The following RERE variants were observed in gnomAD, a reference collection of about 807,000 sequenced individuals.
RERE encodes arginine-glutamic acid dipeptide repeats protein.
RERE carries 40 observed loss-of-function variants against 146.1 expected under a neutral mutation model. The observed-to-expected ratio is 0.27, with a 90% CI of 0.21 to 0.36. The LOEUF is 0.36. Among genes scored for constraint, RERE ranks in the 10% least tolerant of loss-of-function variants. The pLI, the probability that RERE is intolerant of heterozygous loss-of-function variation, is 1.00. For synonymous variants in RERE, 1,003 were observed against 866.0 expected (o/e 1.16, Z -2.78); for missense variants, 1,933 against 2,138.7 (o/e 0.90, Z 1.90).
chr1:8,352,521 AT>A lies in RERE; in HGVS notation c.*2565del, dbSNP rs1641135856. The A allele has an allele frequency of 6.6e-6, 1 of 152,480 alleles. No homozygotes were observed. The highest frequency in any genetic ancestry group is 2.4e-5 in the African/African-American group (1 of 41,460). The allele number at this position is 152,480 out of a possible 1,614,324, so 9.4% of individuals were successfully genotyped here. A position where few individuals can be genotyped will look rare whatever the true frequency, so the allele number is the denominator to read the frequency against. On this transcript the variant is annotated 3_prime_UTR_variant, in exon 23 of 23. Transcript: ENST00000400908. ...GGGTGTCTACTGTTTACACTGTGTT[AT>A]CTCATGGCAAACTACTCATATATAC...
chr1:8,756,602 T>C (rs1311707235), intron 1 of RERE, among the ~76,000 whole-genome samples: 1 of 152,250 alleles, frequency 6.6e-6, no homozygotes, highest in Admixed American at 6.5e-5. Context: ...ACTATAATTC[T>C]GTCCTTTTTA....
At chr1:8,616,465 A>G (rs1646853876) in intron 3 of RERE, among the ~76,000 whole-genome samples, 1 of 152,176 alleles carries the variant, frequency 6.6e-6, no homozygotes, top group South Asian at 2.1e-4. Flanking sequence ...TTCCAATTGA[A>G]AAGAATTAAG....
chr1:8,377,541 A>G (rs925981551), intron 12 of RERE, among the ~76,000 whole-genome samples: 24 of 152,252 alleles, frequency 1.6e-4, no homozygotes, highest in African/African-American at 5.5e-4. Context: ...CGTTGGTTCT[A>G]TCGCCACCTC....
At chr1:8,510,370 T>C (rs562627787) in intron 7 of RERE, among the ~76,000 whole-genome samples, 2 of 151,468 alleles carry the variant, frequency 1.3e-5, no homozygotes, top group African/African-American at 4.9e-5. Context: ...CATGCAGAGG[T>C]GGCAGGCTGA....
At chr1:8,786,908 CCTT>C (rs1338395970) in intron 1 of RERE, 13 of 828,638 alleles carry the variant, frequency 1.6e-5, no homozygotes, top group African/African-American at 6.7e-5. Context: ...ACAACAGGAA[CCTT>C]CTTCTTCTCT....
intron 1 of RERE, among the ~76,000 whole-genome samples, chr1:8,784,439 G>A (rs1557541009): frequency 1.3e-5 from 2 of 151,930 alleles, no homozygotes; most frequent in East Asian, 3.9e-4. Context: ...CTCCACAGAG[G>A]CAGGGTTTTT....
At chr1:8,613,321 C>A (rs2124189523) in intron 4 of RERE, among the ~76,000 whole-genome samples, 1 of 152,318 alleles carries the variant, frequency 6.6e-6, no homozygotes, top group Admixed American at 6.5e-5. Flanking sequence ...ATCTGCCTCC[C>A]AAAATCCACT....
At chr1:8,620,935 T>C (rs1387004429) in intron 3 of RERE, among the ~76,000 whole-genome samples, 1 of 151,998 alleles carries the variant, frequency 6.6e-6, no homozygotes, top group Non-Finnish European at 1.5e-5. Context: ...ACATAATTCC[T>C]ACCTTTAAAA....
At chr1:8,575,534 AAT>A (rs67724601) in intron 4 of RERE, among the ~76,000 whole-genome samples, 2,390 of 113,946 alleles carry the variant, frequency 0.021, 62 homozygotes, top group East Asian at 0.1. Flanking sequence ...TGGCTAATTT[AAT>A]ATATATATAT....
chr1:8,752,174 T>C (rs1438172527), intron 1 of RERE, among the ~76,000 whole-genome samples: 1 of 152,092 alleles, frequency 6.6e-6, no homozygotes, highest in Non-Finnish European at 1.5e-5. Flanking sequence ...TCTGTGTTCT[T>C]ATACACCACA....
In RERE at chr1:8,356,551, C is replaced by T. The variant is rs1641301844; in HGVS notation, c.4340-305G>A. 6.6e-6 allele frequency among the ~76,000 whole-genome samples: 1 copy of T among 152,140 alleles called. No homozygotes were observed. The highest frequency in any genetic ancestry group is 2.1e-4 in the South Asian group (1 of 4,826). Reference sequence around the variant, plus strand: ...GTCGAGGACCCGGGATCAGCAGGGTCCCTCTCGCCGGCCACCTGGGCCTGC... The same window carrying T: ...GTCGAGGACCCGGGATCAGCAGGGTTCCTCTCGCCGGCCACCTGGGCCTGC... On this transcript the variant is annotated intron_variant, in intron 20 of 22. Transcript: ENST00000400908. The surrounding 1 kb of genome is among the most constrained non-coding windows in gnomAD (Gnocchi z 5.2).
At chr1:8,476,449 G>A (rs1228128002) in intron 10 of RERE, among the ~76,000 whole-genome samples, 2 of 152,110 alleles carry the variant, frequency 1.3e-5, no homozygotes, top group Non-Finnish European at 2.9e-5. Flanking sequence ...TCTTAACTTG[G>A]GGCTAGGGGA....
intron 7 of RERE, among the ~76,000 whole-genome samples, chr1:8,528,953 A>T (rs1645603928): frequency 6.6e-6 from 1 of 152,202 alleles, no homozygotes; most frequent in South Asian, 2.1e-4. Flanking sequence ...TCAGGAGTGG[A>T]ATTTTCCACT....
At chr1:8,565,228 G>A (rs1646139329) in intron 4 of RERE, among the ~76,000 whole-genome samples, 1 of 152,048 alleles carries the variant, frequency 6.6e-6, no homozygotes, top group African/African-American at 2.4e-5. Flanking sequence ...TTCAAATGTT[G>A]CCATCATAAA....
chr1:8,466,626 C>T (rs1205037601), intron 10 of RERE, among the ~76,000 whole-genome samples: 1 of 152,042 alleles, frequency 6.6e-6, no homozygotes, highest in Non-Finnish European at 1.5e-5. Flanking sequence ...TAATTTCACA[C>T]AAAAACAAAA....
At chr1:8,443,434 C>G (rs1027640758) in intron 11 of RERE, among the ~76,000 whole-genome samples, 1 of 116,398 alleles carries the variant, frequency 8.6e-6, no homozygotes, top group Admixed American at 1.3e-4. Context: ...GCCTGAGTGA[C>G]AGGTGAGACT....
intron 4 of RERE, among the ~76,000 whole-genome samples, chr1:8,611,088 G>A (rs1481254787): frequency 6.6e-6 from 1 of 151,832 alleles, no homozygotes; most frequent in South Asian, 2.1e-4. Context: ...CCAGCTACTC[G>A]GGAAGCTGAG....
At chr1:8,646,538 CAAAA>C (rs1014115369) in intron 2 of RERE, among the ~76,000 whole-genome samples, 3 of 138,694 alleles carry the variant, frequency 2.2e-5, no homozygotes, top group African/African-American at 8.1e-5. Flanking sequence ...CCCCGCCACT[CAAAA>C]AAAAACAAAC....
intron 1 of RERE, among the ~76,000 whole-genome samples, chr1:8,677,457 A>G (rs1434976852): frequency 6.6e-6 from 1 of 151,016 alleles, no homozygotes; most frequent in Non-Finnish European, 1.5e-5. Context: ...AAGAAAAGAA[A>G]AAAAAAAAAA....
Sources: allele counts gnomAD v4.1 joint callset (sites outside exome capture counted in the v4.1 genomes callset), GRCh38; gene constraint gnomAD v4.1.1; non-coding constraint Gnocchi (gnomAD v3.1); transcripts MANE v1.5; gene names NCBI Gene and HGNC (gene_info 2026-07-23, HGNC 2026-07-21).